The following PPARGC1A variants were observed in gnomAD, a reference collection of about 807,000 sequenced individuals.
PPARGC1A encodes peroxisome proliferator-activated receptor gamma coactivator 1-alpha.
In PPARGC1A, 25 loss-of-function variants were observed where a neutral mutation model predicts 88.7. The observed-to-expected ratio is 0.28, with a 90% confidence interval of 0.21 to 0.39. The LOEUF is 0.39. Among genes scored for constraint, PPARGC1A ranks in the 10% least tolerant of loss-of-function variants. The pLI is 1.00. For synonymous variants in PPARGC1A, 363 were observed against 355.6 expected, an observed-to-expected ratio of 1.02 and a Z score of -0.24; for missense variants, 880 against 968.7, an observed-to-expected ratio of 0.91 and a Z score of 1.22.
chr4:23,812,562 T>C (rs1305177618), intron 10 of PPARGC1A, among the ~76,000 whole-genome samples, 185 bp downstream of exon 10: 1 of 152,170 alleles, frequency 6.6e-6, no homozygotes, highest in African/African-American at 2.4e-5. Context: ...TTAAACATTT[T>C]GTTTTCCAAT....
At chr4:24,279,332 A>G in the PPARGC1A span, among the ~76,000 whole-genome samples, 1 of 152,230 alleles carries the variant, frequency 6.6e-6, no homozygotes, top group African/African-American at 2.4e-5. Context: ...GATTTCCCAG[A>G]CATCATGAGA....
the PPARGC1A span, among the ~76,000 whole-genome samples, chr4:24,367,740 T>TACA: frequency 6.6e-6 from 1 of 152,174 alleles, no homozygotes; most frequent in South Asian, 2.1e-4. Flanking sequence ...AACATATTGT[T>TACA]GTTGTTTCTT....
the PPARGC1A span, among the ~76,000 whole-genome samples, chr4:24,286,209 G>C: frequency 6.6e-6 from 1 of 152,056 alleles, no homozygotes; most frequent in Non-Finnish European, 1.5e-5. Context: ...GAACAAAATA[G>C]AGTCTTAAAG....
At chr4:24,037,706 T>C in the PPARGC1A span, among the ~76,000 whole-genome samples, 529 of 152,320 alleles carry the variant, frequency 3.5e-3, 5 homozygotes, top group African/African-American at 0.012. Context: ...TGAATGTGTA[T>C]TGCACCCGCA....
chr4:24,222,377 T>C, the PPARGC1A span, among the ~76,000 whole-genome samples: 3 of 152,230 alleles, frequency 2.0e-5, no homozygotes, highest in Non-Finnish European at 4.4e-5. Flanking sequence ...CATCAACTTC[T>C]CTGTGCCTCA....
the PPARGC1A span, among the ~76,000 whole-genome samples, chr4:24,227,096 T>C: frequency 2.9e-3 from 435 of 152,160 alleles, 2 homozygotes; most frequent in South Asian, 5.8e-3. Context: ...TTTTTTTTTC[T>C]TTTTTGGATA....
At chr4:24,453,523 G>C in the PPARGC1A span, among the ~76,000 whole-genome samples, 2 of 152,368 alleles carry the variant, frequency 1.3e-5, no homozygotes, top group African/African-American at 2.4e-5. Context: ...GCACACGCCT[G>C]TAATTCCAGC....
At chr4:24,318,911 G>A in the PPARGC1A span, among the ~76,000 whole-genome samples, 9 of 152,266 alleles carry the variant, frequency 5.9e-5, no homozygotes, top group Admixed American at 2.0e-4. Context: ...AGACAAGGTA[G>A]GATGTGAACC....
At chr4:23,887,118 T>C (rs143037051) in intron 1 of PPARGC1A, among the ~76,000 whole-genome samples, 18 of 152,326 alleles carry the variant, frequency 1.2e-4, no homozygotes, top group Non-Finnish European at 7.3e-5. Context: ...TTGAAAACCA[T>C]TGAAAAGACC....
At chr4:23,964,464 C>T in the PPARGC1A span, among the ~76,000 whole-genome samples, 1 of 152,074 alleles carries the variant, frequency 6.6e-6, no homozygotes, top group African/African-American at 2.4e-5. Flanking sequence ...CCTGATAATC[C>T]ATGGTATTTC....
chr4:24,423,629 T>C, the PPARGC1A span, among the ~76,000 whole-genome samples: 1 of 152,234 alleles, frequency 6.6e-6, no homozygotes, highest in African/African-American at 2.4e-5. Flanking sequence ...GTTTTTGTCA[T>C]TGGTTGAGTT....
chr4:24,024,073 C>A, the PPARGC1A span, among the ~76,000 whole-genome samples: 1 of 152,138 alleles, frequency 6.6e-6, no homozygotes. Context: ...AATGGGACAA[C>A]CCACATGTAC....
intron 7 of PPARGC1A, among the ~76,000 whole-genome samples, chr4:23,822,890 C>A (rs1380134604): frequency 6.6e-6 from 1 of 152,000 alleles, no homozygotes; most frequent in African/African-American, 2.4e-5. Flanking sequence ...TATATCTGTA[C>A]AGCTATTACA....
At chr4:24,143,616 TGATA>T in the PPARGC1A span, among the ~76,000 whole-genome samples, 20,671 of 151,926 alleles carry the variant, frequency 0.14, 1,830 homozygotes, top group African/African-American at 0.25. Flanking sequence ...GATAGAAAGA[TGATA>T]GATAGATAGA....
chr4:23,852,831 C>T (rs1209823245), intron 2 of PPARGC1A, among the ~76,000 whole-genome samples: 3 of 152,084 alleles, frequency 2.0e-5, no homozygotes, highest in Non-Finnish European at 4.4e-5. Context: ...TAGATATGTA[C>T]AAGACACATG....
chr4:24,261,449 T>C, the PPARGC1A span, among the ~76,000 whole-genome samples: 1 of 152,178 alleles, frequency 6.6e-6, no homozygotes, highest in Non-Finnish European at 1.5e-5. Context: ...AAGATACCCA[T>C]CTCTGGTTAC....
chr4:23,973,716 T>A, the PPARGC1A span, among the ~76,000 whole-genome samples: 34,300 of 152,022 alleles, frequency 0.23, 4,473 homozygotes, highest in Admixed American at 0.36. Flanking sequence ...GAGTTTTTTT[T>A]AAAGTGTTCC....
the PPARGC1A span, among the ~76,000 whole-genome samples, chr4:24,238,207 T>G: frequency 2.2e-4 from 34 of 152,180 alleles, no homozygotes; most frequent in African/African-American, 7.7e-4. Flanking sequence ...CTCTAACCAC[T>G]ACACACAGTA....
the PPARGC1A span, among the ~76,000 whole-genome samples, chr4:24,329,190 C>G: frequency 1.9e-4 from 29 of 151,814 alleles, no homozygotes; most frequent in African/African-American, 7.0e-4. Context: ...AAATGGCAAC[C>G]GGTGATTTAT....
Sources: gnomAD v4.1 joint callset for allele counts (sites outside exome capture counted in the v4.1 genomes callset) on GRCh38, gnomAD v4.1.1 for gene constraint, MANE v1.5 for transcripts, NCBI Gene and HGNC (gene_info 2026-07-23, HGNC 2026-07-21) for gene names.